The following TCF12 variants were observed in gnomAD, a reference collection of about 807,000 sequenced individuals.
The protein encoded by TCF12 is DNA-binding protein HTF4.
Under a neutral mutation model 86.0 loss-of-function variants are expected in TCF12, and 45 were observed. The observed-to-expected ratio is 0.52, with a 90% CI of 0.41 to 0.67. TCF12 has a LOEUF of 0.67. TCF12 is among the 30% of genes least tolerant of loss of function. The pLI is 0.00. For missense variants in TCF12, 881 were observed against 859.9 expected, an observed-to-expected ratio of 1.02 and a Z score of -0.31; for synonymous variants, 330 against 299.6, an observed-to-expected ratio of 1.10 and a Z score of -1.05.
At chr15:57,240,379 A>G (rs901242326) in intron 12 of TCF12, among the ~76,000 whole-genome samples, 2 of 152,198 alleles carry the variant, frequency 1.3e-5, no homozygotes, top group Non-Finnish European at 2.9e-5. Flanking sequence ...TGTAACAGAA[A>G]ATGCTGCTTC....
intron 3 of TCF12, among the ~76,000 whole-genome samples, chr15:56,988,316 C>A (rs1191065394): frequency 6.6e-6 from 1 of 152,044 alleles, no homozygotes; most frequent in Admixed American, 6.6e-5. Context: ...TGTGGTATAG[C>A]CTGTTGCTCC....
intron 3 of TCF12, among the ~76,000 whole-genome samples, chr15:56,944,790 T>G (rs539362750): frequency 6.6e-6 from 1 of 152,248 alleles, no homozygotes; most frequent in Admixed American, 6.5e-5. Context: ...TAGAGAAATA[T>G]GATACAGACT....
At chr15:57,000,180 T>C (rs1438387051) in intron 3 of TCF12, among the ~76,000 whole-genome samples, 2 of 152,210 alleles carry the variant, frequency 1.3e-5, no homozygotes, top group African/African-American at 4.8e-5. Context: ...AAATCTGTTT[T>C]GTTTAAATTT....
At chr15:56,977,024 G>A (rs1252936385) in intron 3 of TCF12, among the ~76,000 whole-genome samples, 3 of 152,004 alleles carry the variant, frequency 2.0e-5, no homozygotes, top group Non-Finnish European at 4.4e-5. Flanking sequence ...CTACCATATT[G>A]GACAGTGCTG....
intron 3 of TCF12, among the ~76,000 whole-genome samples, chr15:57,009,145 GTCAC>G (rs1210227718): frequency 4.0e-4 from 61 of 152,240 alleles, no homozygotes; most frequent in African/African-American, 1.4e-3. Flanking sequence ...GTCCTTCTCT[GTCAC>G]TCACGCTGTA....
At chr15:57,010,017 C>T (rs1401190624) in intron 3 of TCF12, among the ~76,000 whole-genome samples, 1 of 152,052 alleles carries the variant, frequency 6.6e-6, no homozygotes, top group African/African-American at 2.4e-5. Flanking sequence ...ACAGGTAGTG[C>T]GTTCTTTATC....
At chr15:57,113,027 G>T (rs1489293135) in intron 5 of TCF12, among the ~76,000 whole-genome samples, 1 of 152,176 alleles carries the variant, frequency 6.6e-6, no homozygotes. Context: ...GCACATCATT[G>T]TTCTGTGTGT....
chr15:56,961,263 G>A (rs1311926879), intron 3 of TCF12, among the ~76,000 whole-genome samples: 1 of 152,166 alleles, frequency 6.6e-6, no homozygotes, highest in Non-Finnish European at 1.5e-5. Flanking sequence ...ATAGATGAGA[G>A]AAAACTTGTA....
chr15:57,278,672 A>T (rs922847138), intron 19 of TCF12: 6 of 192,854 alleles, frequency 3.1e-5, no homozygotes, highest in Admixed American at 2.7e-4. Flanking sequence ...CTACAAAAGG[A>T]TCAAACCTTT....
chr15:56,950,741 C>G (rs1308062102), intron 3 of TCF12, among the ~76,000 whole-genome samples: 5 of 120,894 alleles, frequency 4.1e-5, no homozygotes, highest in Non-Finnish European at 6.7e-5. Flanking sequence ...GCTATTATGA[C>G]CATGTTTTTT....
intron 5 of TCF12, among the ~76,000 whole-genome samples, chr15:57,115,428 T>C (rs1394295098): frequency 3.9e-5 from 6 of 152,164 alleles, no homozygotes; most frequent in African/African-American, 1.2e-4. Context: ...TTAGTGGCAT[T>C]AGCATCTTAC....
intron 5 of TCF12, among the ~76,000 whole-genome samples, chr15:57,145,107 A>T (rs1206176930): frequency 2.0e-5 from 3 of 152,250 alleles, no homozygotes; most frequent in African/African-American, 7.2e-5. Context: ...AAGAACATTT[A>T]AACATCTTAA....
intron 3 of TCF12, among the ~76,000 whole-genome samples, chr15:56,975,194 T>G (rs1374750454): frequency 2.0e-5 from 3 of 152,152 alleles, no homozygotes; most frequent in Non-Finnish European, 4.4e-5. Context: ...ATTTTGACAT[T>G]GGAATTTATG....
intron 3 of TCF12, among the ~76,000 whole-genome samples, chr15:56,980,450 A>T (rs2062836886): frequency 6.6e-6 from 1 of 152,124 alleles, no homozygotes; most frequent in African/African-American, 2.4e-5. Context: ...TTGGAAGAAG[A>T]GGATGGCCCC....
chr15:56,948,929 G>A (rs541252921), intron 3 of TCF12, among the ~76,000 whole-genome samples: 37 of 152,282 alleles, frequency 2.4e-4, no homozygotes, highest in Non-Finnish European at 4.4e-4. Flanking sequence ...CCACATATCA[G>A]ATTACCTTTA....
Position 57,231,132 on chromosome 15 carries a change from A to G in TCF12, c.580-20A>G, listed in dbSNP as rs1704754119. 1 of 1,540,802 alleles carries G rather than the reference A, an allele frequency of 6.5e-7. No individual in the cohort carries two copies. The highest frequency in any genetic ancestry group is 1.4e-5 in the African/African-American group (1 of 73,414). ...TGATAGTCATTTACATTTTAATTAA[A>G]TGTGCTGTTTAATTTTAAGGTATAT... On this transcript the variant is annotated intron_variant, in intron 8 of 20. Transcript: ENST00000333725.
Position 56,991,001 on chromosome 15 carries a change from G to A in TCF12, c.148+69903G>A, listed in dbSNP as rs139487975. On this transcript the variant is annotated intron_variant, in intron 3 of 20. Transcript: ENST00000333725. ...TGTAGAGATGGGGTCTCACCATGTT[G>A]CCCAGGCTGCTGTCAAACTCCTGGG... 2.4e-3 allele frequency among the ~76,000 whole-genome samples: 366 copies of A among 152,078 alleles called. 2 individuals carry two copies. The highest frequency in any genetic ancestry group is 8.4e-3 in the African/African-American group (347 of 41,484).
chr15:57,199,845 A>G (rs2057447119), intron 8 of TCF12, among the ~76,000 whole-genome samples: 1 of 152,158 alleles, frequency 6.6e-6, no homozygotes, highest in South Asian at 2.1e-4. Flanking sequence ...AGTATGTTTT[A>G]GATAAAATGC....
chr15:56,931,164 C>T (rs1223739777), intron 3 of TCF12, among the ~76,000 whole-genome samples: 2 of 127,626 alleles, frequency 1.6e-5, no homozygotes, highest in Non-Finnish European at 3.1e-5. Context: ...ATTTTAAATA[C>T]AGAAAAAAAA....
Sources: gnomAD v4.1 joint callset for allele counts (sites outside exome capture counted in the v4.1 genomes callset) on GRCh38, gnomAD v4.1.1 for gene constraint, MANE v1.5 for transcripts, NCBI Gene and HGNC (gene_info 2026-07-23, HGNC 2026-07-21) for gene names.